GOLM1: variants seen among roughly 807,000 people sequenced by gnomAD.
GOLM1 encodes golgi membrane protein 1.
GOLM1 carries 31 observed loss-of-function variants against 50.5 expected under a neutral mutation model. The ratio of observed to expected loss-of-function variants is 0.61; its 90% CI spans 0.46 to 0.83. GOLM1 has a LOEUF of 0.83. Ranked by LOEUF, GOLM1 falls within the 40% of genes least tolerant of loss-of-function variation. The pLI is 0.00. For missense variants in GOLM1, 491 were observed against 501.3 expected, an observed-to-expected ratio of 0.98 and a Z score of 0.20; for synonymous variants, 178 against 192.8, an observed-to-expected ratio of 0.92 and a Z score of 0.64.
chr9:86,035,866 C>CAAAAAA (rs1276980708), intron 7 of GOLM1, among the ~76,000 whole-genome samples: 1,078 of 46,468 alleles, frequency 0.023, 80 homozygotes, highest in East Asian at 0.056. Flanking sequence ...AGTAGCTTAC[C>CAAAAAA]AAAAAAAAAA....
chr9:86,057,273 A>T (rs1380341609), intron 3 of GOLM1, among the ~76,000 whole-genome samples: 1 of 152,244 alleles, frequency 6.6e-6, no homozygotes, highest in African/African-American at 2.4e-5. Flanking sequence ...TCAATATTTC[A>T]TAAGTTTTCA....
intron 3 of GOLM1, among the ~76,000 whole-genome samples, chr9:86,056,297 A>G (rs1013396247): frequency 6.6e-6 from 1 of 152,018 alleles, no homozygotes; most frequent in African/African-American, 2.4e-5. Context: ...GCATGGAAAA[A>G]TACAGCCTCC....
chr9:86,052,384 G>C (rs1833782831), intron 4 of GOLM1, among the ~76,000 whole-genome samples, 153 bp downstream of exon 4: 1 of 152,108 alleles, frequency 6.6e-6, no homozygotes, highest in African/African-American at 2.4e-5. Context: ...TAAGGAGATA[G>C]ACTTAGGCAA....
Position 86,096,791 on chromosome 9 carries a change from A to C in GOLM1, c.-22+2620T>G, listed in dbSNP as rs577440990. On this transcript the variant is annotated intron_variant, in intron 1 of 9. Transcript: ENST00000388712. ...GGCCTTGAGACACAATATAACCATA[A>C]CAGCAAATACATGTAGTTTATAAAT... Among the ~76,000 whole-genome samples the C allele has an allele frequency of 2.2e-3, 332 of 152,344 alleles. 2 individuals carry two copies. Among genetic ancestry groups the C allele is most frequent in the African/African-American group, 7.5e-3 (311 of 41,574 alleles).
chr9:86,033,632 T>C (rs1474831079), intron 8 of GOLM1, among the ~76,000 whole-genome samples: 1 of 152,210 alleles, frequency 6.6e-6, no homozygotes, highest in African/African-American at 2.4e-5. Flanking sequence ...GGGTGCATTC[T>C]AGGCAGAACA....
chr9:86,058,950 A>G (rs1300845102), intron 3 of GOLM1, among the ~76,000 whole-genome samples: 4 of 152,200 alleles, frequency 2.6e-5, no homozygotes, highest in African/African-American at 9.6e-5. Context: ...GTGATCCGAG[A>G]TTGAGCCATT....
chr9:86,033,459 G>C (rs1833043266), intron 8 of GOLM1, 64 bp from the exon 9 acceptor site: 5 of 977,840 alleles, frequency 5.1e-6, no homozygotes, highest in Non-Finnish European at 8.2e-6. Context: ...AGGACTATCA[G>C]AGCACAAGTG....
intron 7 of GOLM1, among the ~76,000 whole-genome samples, chr9:86,035,895 A>AAAAAAAAAAAAAAAC (rs1285241059): frequency 6.6e-6 from 1 of 150,732 alleles, no homozygotes; most frequent in Non-Finnish European, 1.5e-5. Context: ...AAAAAAAAAA[A>AAAAAAAAAAAAAAAC]ACACCTGGAC....
At chr9:86,073,722 C>G (rs1834523761) in intron 3 of GOLM1, among the ~76,000 whole-genome samples, 1 of 152,232 alleles carries the variant, frequency 6.6e-6, no homozygotes, top group South Asian at 2.1e-4. Flanking sequence ...CCCCAGCATT[C>G]TGCCAACCAC....
intron 3 of GOLM1, among the ~76,000 whole-genome samples, chr9:86,055,990 C>CAAA (rs35982406): frequency 0.62 from 93,845 of 151,390 alleles, 29,760 homozygotes; most frequent in African/African-American, 0.76. Context: ...CAAAAACAAA[C>CAAA]CAAAAACACT....
At chr9:86,056,195 A>G (rs1320649155) in intron 3 of GOLM1, among the ~76,000 whole-genome samples, 2 of 152,176 alleles carry the variant, frequency 1.3e-5, no homozygotes, top group Non-Finnish European at 2.9e-5. Context: ...TACTACTGCA[A>G]TTTGAAATAT....
Position 86,026,359 on chromosome 9 carries a change from C to T in GOLM1, c.*1458G>A. 2 of 985,248 alleles carry T rather than the reference C, an allele frequency of 2.0e-6. No homozygotes were observed. The highest frequency in any genetic ancestry group is 9.4e-5 in the South Asian group (2 of 21,272). The allele number at this position is 985,248 out of a possible 1,614,324, so 61.0% of individuals were successfully genotyped here. A position where few individuals can be genotyped will look rare whatever the true frequency, so the allele number is the denominator to read the frequency against. ...GGGTGGGAAAGTTTAACCTTAGTGA[C>T]TAAGGACATCACATATGAAGAATGT... is the stretch of plus-strand genomic sequence containing the variant. On this transcript the variant is annotated 3_prime_UTR_variant, in exon 10 of 10. Transcript: ENST00000388712.
chr9:86,046,543 C>T lies in GOLM1; in HGVS notation c.394G>A (p.Gly132Ser), dbSNP rs199583252. The change falls in exon 5 of 10, where the codon GGC becomes AGC. Residue 132 changes from glycine (G) to serine (S), a missense_variant. Transcript: ENST00000388712. ...TGGAGGACATCCTGCTGCAGCCTGC[C>T]GTAATTCCTCTGCAGGGTCTTTAAC... ...DQLKTLQRNY[G>S]RLQQDVLQFQ... 21 of 1,612,366 alleles carry T rather than the reference C, an allele frequency of 1.3e-5. No homozygotes were observed. The highest frequency in any genetic ancestry group is 3.3e-4 in the Middle Eastern group (2 of 6,076).
intron 3 of GOLM1, among the ~76,000 whole-genome samples, chr9:86,062,430 G>A (rs987982562): frequency 6.6e-6 from 1 of 151,474 alleles, no homozygotes. Context: ...GAAGGAGAGA[G>A]CAAAGGATGG....
intron 3 of GOLM1, among the ~76,000 whole-genome samples, chr9:86,054,185 T>C (rs1833914961): frequency 6.6e-6 from 1 of 151,712 alleles, no homozygotes; most frequent in South Asian, 2.1e-4. Flanking sequence ...TCAAGCTCAA[T>C]GTAACAACTG....
intron 3 of GOLM1, among the ~76,000 whole-genome samples, chr9:86,056,736 C>A (rs1328861382): frequency 6.6e-6 from 1 of 152,014 alleles, no homozygotes; most frequent in Non-Finnish European, 1.5e-5. Flanking sequence ...AATCTCCTGA[C>A]CTCGTGATCT....
At chr9:86,079,122 G>A (rs1275778321) in intron 2 of GOLM1, 70 bp downstream of exon 2, 3 of 1,353,532 alleles carry the variant, frequency 2.2e-6, no homozygotes, top group Non-Finnish European at 2.0e-6. Context: ...CAAACCCCTG[G>A]GACCCCATCA....
chr9:86,079,016 T>C (rs941692198), intron 2 of GOLM1, among the ~76,000 whole-genome samples, 176 bp downstream of exon 2: 1 of 152,208 alleles, frequency 6.6e-6, no homozygotes, highest in Non-Finnish European at 1.5e-5. Flanking sequence ...CCAAAGCTGC[T>C]TGGGGTCTGG....
intron 3 of GOLM1, among the ~76,000 whole-genome samples, chr9:86,056,789 G>C (rs867839665): frequency 2.6e-5 from 4 of 151,670 alleles, no homozygotes; most frequent in Non-Finnish European, 4.4e-5. Flanking sequence ...CAGGCATGAG[G>C]CACTGCACCC....
Sources: allele counts gnomAD v4.1 joint callset (sites outside exome capture counted in the v4.1 genomes callset), GRCh38; gene constraint gnomAD v4.1.1; transcripts MANE v1.5; gene names NCBI Gene and HGNC (gene_info 2026-07-23, HGNC 2026-07-21).